Variants in RIT2 observed in about 807,000 individuals in gnomAD.
The protein encoded by RIT2 is GTP-binding protein Rit2.
A neutral mutation model predicts 23.7 loss-of-function variants in RIT2; 24 were observed. The ratio of observed to expected loss-of-function variants is 1.01; its 90% CI spans 0.73 to 1.43. The LOEUF (loss-of-function observed/expected upper bound fraction) is 1.43, where lower values mean the gene tolerates loss of function less well. RIT2 is among the 40% of genes most tolerant of loss of function. The pLI, the probability that RIT2 is intolerant of heterozygous loss-of-function variation, is 0.00. For missense variants in RIT2, 236 were observed against 266.9 expected (o/e 0.88, Z 0.81); for synonymous variants, 107 against 91.1 (o/e 1.17, Z -0.99).
At chr18:42,924,149 A>T (rs981680206) in intron 3 of RIT2, among the ~76,000 whole-genome samples, 2 of 152,112 alleles carry the variant, frequency 1.3e-5, no homozygotes, top group Non-Finnish European at 2.9e-5. Flanking sequence ...AAGAAAAAAA[A>T]TTGTATAATC....
intron 4 of RIT2, among the ~76,000 whole-genome samples, chr18:42,767,634 C>T (rs1219974754): frequency 6.6e-6 from 1 of 152,042 alleles, no homozygotes; most frequent in African/African-American, 2.4e-5. Context: ...ATTGGTCTTG[C>T]AATGTGAGGA....
At chr18:42,832,738 C>T (rs1021613778) in intron 4 of RIT2, among the ~76,000 whole-genome samples, 1 of 151,968 alleles carries the variant, frequency 6.6e-6, no homozygotes, top group Admixed American at 6.6e-5. Flanking sequence ...AGTCACCCTC[C>T]TGTGTTATCA....
chr18:42,755,673 C>T (rs890206593), intron 4 of RIT2, among the ~76,000 whole-genome samples: 1 of 152,182 alleles, frequency 6.6e-6, no homozygotes, highest in Non-Finnish European at 1.5e-5. Context: ...TCTACCTGAT[C>T]TCCAGCAAAG....
intron 1 of RIT2, among the ~76,000 whole-genome samples, chr18:43,035,186 C>A (rs1241646526): frequency 6.6e-6 from 1 of 152,052 alleles, no homozygotes; most frequent in African/African-American, 2.4e-5. Flanking sequence ...GGAAACTGAC[C>A]CAGTGGAAGA....
chr18:42,760,551 G>A (rs898918388), intron 4 of RIT2, among the ~76,000 whole-genome samples: 4 of 152,144 alleles, frequency 2.6e-5, no homozygotes, highest in African/African-American at 4.8e-5. Flanking sequence ...CAAAACAGTA[G>A]ATCTCACTGA....
chr18:42,948,540 G>A (rs1301620705), intron 3 of RIT2, among the ~76,000 whole-genome samples: 2 of 152,064 alleles, frequency 1.3e-5, no homozygotes, highest in Non-Finnish European at 2.9e-5. Flanking sequence ...TAAAATACAA[G>A]TTTGGAAAGT....
In RIT2 at chr18:42,974,137, A is replaced by G. The variant is rs1422295864; in HGVS notation, c.171T>C (p.Tyr57=). The change falls in exon 3 of 5, where the codon TAT becomes TAC. Residue 57 remains tyrosine, a synonymous_variant. Transcript: ENST00000326695. ...DYHDPTIEDA[Y]KTQVRIDNEP... ...CATTGTCAATCCTGACCTGGGTCTT[A>G]TAAGCATCTTCTGAAAAACACAAGA... is the stretch of plus-strand genomic sequence containing the variant. 1.2e-6 allele frequency: 2 copies of G among 1,610,542 alleles called. No individual in the cohort carries two copies. Among genetic ancestry groups the G allele is most frequent in the Admixed American group, 3.3e-5 (2 of 59,766 alleles).
intron 4 of RIT2, among the ~76,000 whole-genome samples, chr18:42,812,551 G>T (rs566565594): frequency 7.1e-4 from 108 of 152,246 alleles, no homozygotes; most frequent in African/African-American, 2.4e-3. Flanking sequence ...ATAGTAAAGT[G>T]ATTGATTTTA....
At chr18:42,957,184 C>G (rs1909992357) in intron 3 of RIT2, among the ~76,000 whole-genome samples, 1 of 152,046 alleles carries the variant, frequency 6.6e-6, no homozygotes, top group East Asian at 1.9e-4. Flanking sequence ...CCAACACACC[C>G]CCTTTTGGAA....
chr18:42,754,534 C>T (rs1881377373), intron 4 of RIT2, among the ~76,000 whole-genome samples: 1 of 152,152 alleles, frequency 6.6e-6, no homozygotes, highest in South Asian at 2.1e-4. Context: ...TCCAGACCTA[C>T]TCAAGTCTTT....
At chr18:43,051,073 G>C (rs1290944097) in intron 1 of RIT2, among the ~76,000 whole-genome samples, 2 of 152,038 alleles carry the variant, frequency 1.3e-5, no homozygotes, top group African/African-American at 4.8e-5. Flanking sequence ...CTAGTGTCTG[G>C]CATGAAGGGG....
chr18:42,854,383 A>G (rs995482371), intron 4 of RIT2, among the ~76,000 whole-genome samples: 13 of 152,190 alleles, frequency 8.5e-5, no homozygotes, highest in African/African-American at 2.9e-4. Flanking sequence ...GTAACTAGCA[A>G]GTGGGAGATC....
At chr18:42,969,299 C>A (rs1055736883) in intron 3 of RIT2, among the ~76,000 whole-genome samples, 14 of 152,004 alleles carry the variant, frequency 9.2e-5, no homozygotes, top group African/African-American at 3.4e-4. Context: ...AGGAAGGGGT[C>A]ATGCCCTTAA....
rs958497845 is a variant in RIT2, at chr18:42,914,921, C to G, written c.426+8651G>C. Among the ~76,000 whole-genome samples the G allele has an allele frequency of 2.0e-5, 3 of 151,758 alleles. No individual in the cohort carries two copies. The East Asian group carries it at 5.8e-4, about 29-fold the overall frequency. On this transcript the variant is annotated intron_variant, in intron 4 of 4. Coordinates refer to ENST00000326695, the MANE Select transcript of RIT2 (RefSeq NM_002930.4). ...TTTTATACACATTTGTTTGTAACTTCTTGTGCGTCTGTAATTATTTCTAAA... is the reference window on the plus strand; with the variant it reads ...TTTTATACACATTTGTTTGTAACTTGTTGTGCGTCTGTAATTATTTCTAAA...
chr18:42,888,760 C>A (rs1908095580), intron 4 of RIT2, among the ~76,000 whole-genome samples: 1 of 151,990 alleles, frequency 6.6e-6, no homozygotes, highest in East Asian at 1.9e-4. Context: ...TCTATTGCAC[C>A]AACATGAATG....
intron 1 of RIT2, among the ~76,000 whole-genome samples, chr18:43,035,633 A>G (rs1028319298): frequency 3.3e-5 from 5 of 152,154 alleles, no homozygotes; most frequent in Non-Finnish European, 7.4e-5. Context: ...CATTCTCAAT[A>G]CCTGATCAAA....
At chr18:42,860,836 A>G (rs1907306850) in intron 4 of RIT2, among the ~76,000 whole-genome samples, 1 of 152,178 alleles carries the variant, frequency 6.6e-6, no homozygotes, top group Non-Finnish European at 1.5e-5. Context: ...ATGTTCCTAT[A>G]TTCCCAGGAT....
chr18:42,881,742 C>T (rs1907900465), intron 4 of RIT2, among the ~76,000 whole-genome samples: 1 of 152,154 alleles, frequency 6.6e-6, no homozygotes, highest in African/African-American at 2.4e-5. Flanking sequence ...TCTGTGCTTC[C>T]TAGTTATAAC....
chr18:42,789,306 C>T (rs2034726231), intron 4 of RIT2, among the ~76,000 whole-genome samples: 2 of 152,142 alleles, frequency 1.3e-5, no homozygotes, highest in African/African-American at 4.8e-5. Flanking sequence ...CACCGTGGTC[C>T]GTAGGCTACA....
Sources: gnomAD v4.1 joint callset for allele counts (sites outside exome capture counted in the v4.1 genomes callset) on GRCh38, gnomAD v4.1.1 for gene constraint, MANE v1.5 for transcripts, NCBI Gene and HGNC (gene_info 2026-07-23, HGNC 2026-07-21) for gene names.